The following GFM1 variants were observed in gnomAD, a reference collection of about 807,000 sequenced individuals.
GFM1 encodes G elongation factor mitochondrial 1.
In GFM1, 62 loss-of-function variants were observed where a neutral mutation model predicts 96.2. The observed-to-expected ratio is 0.64, with a 90% confidence interval of 0.53 to 0.80. The LOEUF (loss-of-function observed/expected upper bound fraction) is 0.80, where lower values mean the gene tolerates loss of function less well. Among genes scored for constraint, GFM1 ranks in the 30% least tolerant of loss-of-function variants. The pLI, the probability that GFM1 is intolerant of heterozygous loss-of-function variation, is 0.00. For missense variants in GFM1, 852 were observed against 916.6 expected, an observed-to-expected ratio of 0.93 and a Z score of 0.91; for synonymous variants, 282 against 312.9, an observed-to-expected ratio of 0.90 and a Z score of 1.04.
chr3:158,655,207 T>A (rs150656704), intron 8 of GFM1, among the ~76,000 whole-genome samples: 24,116 of 151,928 alleles, frequency 0.16, 1,982 homozygotes, highest in South Asian at 0.22. Flanking sequence ...CCCAGCACTT[T>A]GGGAGGCTGA....
intron 15 of GFM1, among the ~76,000 whole-genome samples, chr3:158,686,481 G>T (rs1461534620): frequency 6.7e-6 from 1 of 149,672 alleles, no homozygotes; most frequent in Admixed American, 6.7e-5. Context: ...GGTGAGTCAG[G>T]TTTGGAGCTT....
chr3:158,690,476 T>A, intron 16 of GFM1, 153 bp downstream of exon 16: 1 of 710,692 alleles, frequency 1.4e-6, no homozygotes, highest in Non-Finnish European at 2.5e-6. Flanking sequence ...AAGCAACTCT[T>A]AAGTGCAGAA....
intron 13 of GFM1, 27 bp from the exon 14 acceptor site, chr3:158,681,968 A>ATT (rs11436468): frequency 2.9e-3 from 4,251 of 1,443,726 alleles, no homozygotes; most frequent in African/African-American, 4.2e-3. Flanking sequence ...ATAATGCTCC[A>ATT]TTTTTTTTTT....
chr3:158,684,822 A>G, intron 15 of GFM1, 154 bp downstream of exon 15: 1 of 697,438 alleles, frequency 1.4e-6, no homozygotes, highest in Non-Finnish European at 2.5e-6. Context: ...ACTTGAGATC[A>G]AGGTAGATTA....
At chr3:158,685,372 A>G (rs1404812789) in intron 15 of GFM1, 1 of 152,266 alleles carries the variant, frequency 6.6e-6, no homozygotes. Context: ...CATCTTTTCC[A>G]TGTCCTTTAT....
rs1190173657 is a variant in GFM1 at position 158,691,755 on chromosome 3, A to G, written c.*288A>G. On this transcript the variant is annotated 3_prime_UTR_variant, in exon 18 of 18. Transcript: ENST00000486715. ...AATATGTTTAATATTTAAGGGGAAA[A>G]GAGACTAATTTCAGTTATACTTTTA... 2 of 282,452 alleles carry G rather than the reference A, an allele frequency of 7.1e-6. No homozygotes were observed. Among genetic ancestry groups the G allele is most frequent in the Non-Finnish European group, 1.4e-5 (2 of 146,612 alleles). The allele number at this position is 282,452 out of a possible 1,614,324, so 17.5% of individuals were successfully genotyped here. A position where few individuals can be genotyped will look rare whatever the true frequency, so the allele number is the denominator to read the frequency against.
At chr3:158,649,906 G>A (rs1473325276) in intron 5 of GFM1, 1 of 1,017,380 alleles carries the variant, frequency 9.8e-7, no homozygotes, top group Non-Finnish European at 1.5e-6. Flanking sequence ...CAGGTCTGCA[G>A]ACCACACTTT....
In GFM1 at chr3:158,646,297, G is replaced by T. The variant is rs1275285043; in HGVS notation, c.367G>T (p.Gly123Trp). Residue 123 changes from glycine to tryptophan, a missense_variant and splice_region_variant, in exon 3 of 18, where the codon GGG becomes TGG. Coordinates refer to ENST00000486715, the MANE Select transcript of GFM1 (RefSeq NM_024996.7). Reference protein sequence around the residue: ...DVNINIIDTPGHVDFTIEVER... With the variant: ...DVNINIIDTPWHVDFTIEVER... ...CAATATTAACATTATAGATACTCCT[G>T]GTGAGTTGGATTCTTGGTTTTATTG... 11 of 1,613,936 alleles carry T rather than the reference G, an allele frequency of 6.8e-6. No homozygotes were observed. The highest frequency in any genetic ancestry group is 1.3e-5 in the African/African-American group (1 of 74,898).
At position 158,694,312 on chromosome 3, in the gene GFM1, C is replaced by T. The variant is rs1211770249; in HGVS notation, c.*2845C>T. Among the ~76,000 whole-genome samples, 9 of 152,112 alleles carry T rather than the reference C, an allele frequency of 5.9e-5. No homozygotes were observed. Among genetic ancestry groups the T allele is most frequent in the African/African-American group, 1.9e-4 (8 of 41,416 alleles). ...AGATGGAGCTGGAAGCCATTATCCT[C>T]ATCAAACTAACATAGGAAAAGAAAA... On this transcript the variant is annotated 3_prime_UTR_variant, in exon 18 of 18. Transcript: ENST00000486715.
chr3:158,644,716 G>T lies in GFM1; in HGVS notation c.81+1G>T. 6.4e-7 allele frequency: 1 copy of T among 1,573,802 alleles called. No individual in the cohort carries two copies. On this transcript the variant is annotated splice_donor_variant, in intron 1 of 17. Transcript: ENST00000486715. LOFTEE classifies it high-confidence loss of function. ...CTCCCTAGGCTGGCAGAGGAAGCAGGTACCGGAGCATAGAGAGGCTAAATC... is the reference window on the plus strand; with the variant it reads ...CTCCCTAGGCTGGCAGAGGAAGCAGTTACCGGAGCATAGAGAGGCTAAATC...
At chr3:158,666,911 A>G in intron 13 of GFM1, 2 of 1,513,616 alleles carry the variant, frequency 1.3e-6, no homozygotes, top group Non-Finnish European at 1.8e-6. Context: ...CTGGATTTAC[A>G]TGAATTCTGA....
chr3:158,659,220 A>G (rs1350817561), intron 9 of GFM1, 161 bp downstream of exon 9: 4 of 817,724 alleles, frequency 4.9e-6, no homozygotes, highest in Non-Finnish European at 7.6e-6. Context: ...GCACTTTGCT[A>G]TAGGATAAAT....
At chr3:158,662,584 G>T (rs1461923123) in intron 10 of GFM1, 44 bp from the exon 11 acceptor site, 6 of 1,154,320 alleles carry the variant, frequency 5.2e-6, no homozygotes, top group Non-Finnish European at 6.6e-6. Context: ...ACCCATATGG[G>T]TCTGTTTTTT....
rs1445009928 is a variant in GFM1, at chr3:158,646,738, T to G, written c.368-5T>G. 1 of 1,611,582 alleles carries G rather than the reference T, an allele frequency of 6.2e-7. No individual in the cohort carries two copies. Among genetic ancestry groups the G allele is most frequent in the Non-Finnish European group, 8.5e-7 (1 of 1,178,736 alleles). ...TAAGACCCTCTCATACTTCATCTTATTCAGGGCATGTGGACTTCACAATAG... is the reference window on the plus strand; with the variant it reads ...TAAGACCCTCTCATACTTCATCTTAGTCAGGGCATGTGGACTTCACAATAG... On this transcript the variant is annotated splice_polypyrimidine_tract_variant and splice_region_variant and intron_variant, in intron 3 of 17. Transcript: ENST00000486715.
At chr3:158,655,604 G>C (rs1470354808) in intron 8 of GFM1, among the ~76,000 whole-genome samples, 1 of 151,914 alleles carries the variant, frequency 6.6e-6, no homozygotes, top group Non-Finnish European at 1.5e-5. Flanking sequence ...TTTTTGACAT[G>C]AAAAGATGTT....
At chr3:158,664,047 C>T (rs555660885) in intron 11 of GFM1, among the ~76,000 whole-genome samples, 30 of 152,292 alleles carry the variant, frequency 2.0e-4, no homozygotes, top group African/African-American at 6.5e-4. Context: ...TTGAACAAAT[C>T]ACTTAACCTC....
At chr3:158,669,681 T>C (rs879154036) in intron 13 of GFM1, 7 of 1,434,052 alleles carry the variant, frequency 4.9e-6, no homozygotes, top group Admixed American at 4.2e-5. Context: ...CTTTGAGATA[T>C]GATTTAAAGC....
At chr3:158,670,642 T>C (rs1724195845) in intron 13 of GFM1, among the ~76,000 whole-genome samples, 1 of 152,246 alleles carries the variant, frequency 6.6e-6, no homozygotes. Flanking sequence ...GTAAAACTAA[T>C]CAATCTTACA....
intron 16 of GFM1, 51 bp downstream of exon 16, chr3:158,690,374 A>T: frequency 3.2e-6 from 5 of 1,560,986 alleles, no homozygotes; most frequent in Non-Finnish European, 4.4e-6. Flanking sequence ...CATAGAAGGA[A>T]ATCCAGGTTA....
Sources: gnomAD v4.1 joint callset for allele counts (sites outside exome capture counted in the v4.1 genomes callset) on GRCh38, gnomAD v4.1.1 for gene constraint, MANE v1.5 for transcripts, NCBI Gene and HGNC (gene_info 2026-07-23, HGNC 2026-07-21) for gene names.